RAD51B: variants seen among roughly 807,000 people sequenced by gnomAD.
RAD51B encodes DNA repair protein RAD51 homolog 2.
A neutral mutation model predicts 42.2 loss-of-function variants in RAD51B; 38 were observed. That is an observed-to-expected ratio of 0.90 (90% CI 0.70 to 1.18). The LOEUF is 1.18. RAD51B is among the 50% of genes most tolerant of loss of function. The probability of loss-of-function intolerance (pLI) is 0.00; values close to 1 mark genes in which losing one functional copy is unlikely to be tolerated. For missense variants in RAD51B, 373 were observed against 400.7 expected (o/e 0.93, Z 0.59); for synonymous variants, 154 against 145.2 (o/e 1.06, Z -0.43).
chr14:67,921,953 T>C (rs1410979941), intron 7 of RAD51B, among the ~76,000 whole-genome samples: 1 of 152,180 alleles, frequency 6.6e-6, no homozygotes, highest in African/African-American at 2.4e-5. Context: ...TCCTGCCGTG[T>C]GCTCTGACTA....
chr14:68,519,370 T>C (rs1886408579), intron 10 of RAD51B, among the ~76,000 whole-genome samples: 1 of 152,196 alleles, frequency 6.6e-6, no homozygotes, highest in Non-Finnish European at 1.5e-5. Flanking sequence ...TTTTAGCAAG[T>C]CCCTGAGGTT....
chr14:68,006,891 G>A (rs1398069268), intron 7 of RAD51B, among the ~76,000 whole-genome samples: 1 of 152,066 alleles, frequency 6.6e-6, no homozygotes, highest in Non-Finnish European at 1.5e-5. Flanking sequence ...TAAATGACAT[G>A]CAATAAAATT....
chr14:68,229,857 A>T (rs559133251), intron 7 of RAD51B, among the ~76,000 whole-genome samples: 5 of 152,330 alleles, frequency 3.3e-5, no homozygotes, highest in Admixed American at 1.3e-4. Flanking sequence ...GAGCTGTGTC[A>T]TAGATCTCTT....
At chr14:68,260,318 T>TGTGTGTGGG (rs1049368684) in intron 7 of RAD51B, among the ~76,000 whole-genome samples, 1 of 128,042 alleles carries the variant, frequency 7.8e-6, no homozygotes, top group Non-Finnish European at 1.5e-5. Context: ...TGTGTGTGTG[T>TGTGTGTGGG]GGAGAGGGGA....
chr14:67,991,005 A>G (rs1432528536), intron 7 of RAD51B, among the ~76,000 whole-genome samples: 1 of 152,234 alleles, frequency 6.6e-6, no homozygotes, highest in Non-Finnish European at 1.5e-5. Context: ...GGAGAAGAAG[A>G]GTAATACAGA....
chr14:68,627,970 G>A (rs1296969151), intron 10 of RAD51B, among the ~76,000 whole-genome samples: 1 of 151,856 alleles, frequency 6.6e-6, no homozygotes, highest in Non-Finnish European at 1.5e-5. Flanking sequence ...CAAAAGCCAG[G>A]CCCTTGACGA....
At chr14:68,292,103 GC>G in intron 8 of RAD51B, 123 bp downstream of exon 8, 2 of 854,080 alleles carry the variant, frequency 2.3e-6, no homozygotes, top group Non-Finnish European at 3.7e-6. Context: ...CCCAGCCGGA[GC>G]CTGTTGATTT....
chr14:68,551,282 C>G (rs1888553611), intron 10 of RAD51B, among the ~76,000 whole-genome samples: 1 of 152,238 alleles, frequency 6.6e-6, no homozygotes, highest in African/African-American at 2.4e-5. Flanking sequence ...TATCCATGCT[C>G]TGGCCTGGCA....
intron 7 of RAD51B, among the ~76,000 whole-genome samples, chr14:68,169,943 T>C (rs2078835023): frequency 6.6e-6 from 1 of 152,184 alleles, no homozygotes; most frequent in African/African-American, 2.4e-5. Context: ...TCACAAAAAA[T>C]AGCAAAGAAT....
At chr14:68,633,979 T>C (rs1016793123) in intron 10 of RAD51B, among the ~76,000 whole-genome samples, 3 of 152,220 alleles carry the variant, frequency 2.0e-5, no homozygotes, top group African/African-American at 7.2e-5. Context: ...GTTTGGCAAC[T>C]GTCTTCCAGT....
chr14:68,473,870 C>T (rs191612333), intron 10 of RAD51B, among the ~76,000 whole-genome samples: 2 of 152,330 alleles, frequency 1.3e-5, no homozygotes, highest in Admixed American at 1.3e-4. Context: ...AACTTTTCTA[C>T]ATATATGTGA....
intron 7 of RAD51B, among the ~76,000 whole-genome samples, chr14:68,068,507 C>T (rs182148278): frequency 1.3e-5 from 2 of 152,232 alleles, no homozygotes; most frequent in East Asian, 3.9e-4. Context: ...CATTTGTTTC[C>T]CTTTTCATCA....
Position 68,381,548 on chromosome 14 carries a change from C to G in RAD51B, c.854-29876C>G, listed in dbSNP as rs372608723. 1.1e-3 allele frequency among the ~76,000 whole-genome samples: 171 copies of G among 152,130 alleles called. 5 individuals are homozygous for G. Among genetic ancestry groups the G allele is most frequent in the African/African-American group, 4.0e-3 (168 of 41,488 alleles). ...AAAATTAACCAGGCATGGTGGCGGG[C>G]GCCTTTAGTCCCAGCTACTCGGGAG... On this transcript the variant is annotated intron_variant, in intron 8 of 10. Transcript: ENST00000471583.
At chr14:68,147,167 A>C (rs1435526284) in intron 7 of RAD51B, among the ~76,000 whole-genome samples, 1 of 152,222 alleles carries the variant, frequency 6.6e-6, no homozygotes, top group Non-Finnish European at 1.5e-5. Context: ...GATGTATTTT[A>C]AAAACATCAA....
chr14:68,656,666 G>A (rs547156906), intron 11 of RAD51B, among the ~76,000 whole-genome samples: 119 of 152,338 alleles, frequency 7.8e-4, no homozygotes, highest in Non-Finnish European at 1.6e-3. Context: ...CAGGCCGGCA[G>A]TGTGACCTTT....
At chr14:68,674,475 C>A (rs959102383) in intron 11 of RAD51B, among the ~76,000 whole-genome samples, 29 of 151,512 alleles carry the variant, frequency 1.9e-4, no homozygotes, top group South Asian at 1.7e-3. Flanking sequence ...ATATAGAAGT[C>A]TTTTTAGATA....
chr14:68,418,831 T>G (rs1224599136), intron 9 of RAD51B, among the ~76,000 whole-genome samples: 1 of 152,198 alleles, frequency 6.6e-6, no homozygotes, highest in African/African-American at 2.4e-5. Context: ...GCAACCTCAT[T>G]GGCTAGGGAA....
chr14:67,892,810 G>A (rs1281737909), intron 7 of RAD51B, among the ~76,000 whole-genome samples: 2 of 152,234 alleles, frequency 1.3e-5, no homozygotes, highest in Admixed American at 6.5e-5. Flanking sequence ...ATTAAGGCTT[G>A]AGTGAACTTT....
chr14:68,221,443 G>GGAC (rs1566738736), intron 7 of RAD51B, among the ~76,000 whole-genome samples: 1 of 152,154 alleles, frequency 6.6e-6, no homozygotes, highest in Non-Finnish European at 1.5e-5. Flanking sequence ...AGTGGGAAAA[G>GGAC]GACACCCTAT....
Sources: allele counts gnomAD v4.1 joint callset (sites outside exome capture counted in the v4.1 genomes callset), GRCh38; gene constraint gnomAD v4.1.1; transcripts MANE v1.5; gene names NCBI Gene and HGNC (gene_info 2026-07-23, HGNC 2026-07-21).